BRSK2: variants seen among roughly 807,000 people sequenced by gnomAD.
The protein encoded by BRSK2 is serine/threonine-protein kinase BRSK2.
BRSK2 carries 19 observed loss-of-function variants against 83.3 expected under a neutral mutation model. The observed-to-expected ratio is 0.23, with a 90% confidence interval of 0.16 to 0.33. The LOEUF (loss-of-function observed/expected upper bound fraction) is 0.33. Ranked by LOEUF, BRSK2 falls within the 10% of genes least tolerant of loss-of-function variation. BRSK2 has a pLI of 1.00. For synonymous variants in BRSK2, 519 were observed against 435.4 expected, an observed-to-expected ratio of 1.19 and a Z score of -2.39; for missense variants, 798 against 1,042.3, an observed-to-expected ratio of 0.77 and a Z score of 3.23.
chr11:1,392,776 T>G (rs11607938), intron 1 of BRSK2, among the ~76,000 whole-genome samples: 1 of 152,286 alleles, frequency 6.6e-6, no homozygotes, highest in African/African-American at 2.4e-5. Flanking sequence ...CGCTGCATGG[T>G]CTCACCTGTA....
intron 19 of BRSK2, among the ~76,000 whole-genome samples, chr11:1,460,242 C>T (rs1224372659): frequency 1.3e-5 from 2 of 152,134 alleles, no homozygotes; most frequent in East Asian, 1.9e-4. Flanking sequence ...GGCCCCACGG[C>T]GCACAGCTTC....
intron 1 of BRSK2, among the ~76,000 whole-genome samples, chr11:1,426,252 G>A (rs1175531633): frequency 4.6e-5 from 7 of 150,676 alleles, no homozygotes; most frequent in African/African-American, 1.7e-4. Context: ...GGGGATGTGT[G>A]TGGGGCGTGC....
Position 1,462,432 on chromosome 11 carries a change from A to T in BRSK2, c.*1709A>T, listed in dbSNP as rs1037632178. The T allele has an allele frequency of 6.6e-6, 1 of 152,134 alleles. No homozygotes were observed. The highest frequency in any genetic ancestry group is 2.4e-5 in the African/African-American group (1 of 41,312). The allele number at this position is 152,134 out of a possible 1,614,324, so 9.4% of individuals were successfully genotyped here. On this transcript the variant is annotated 3_prime_UTR_variant, in exon 20 of 20. Transcript: ENST00000528841. ...CTTCTGTTAACATTAGACCTCTGCCACAGGCTGGGATTTCTATACATAAGA... is the reference window on the plus strand; with the variant it reads ...CTTCTGTTAACATTAGACCTCTGCCTCAGGCTGGGATTTCTATACATAAGA...
intron 4 of BRSK2, among the ~76,000 whole-genome samples, chr11:1,441,196 CCCT>C (rs1405582114): frequency 9.1e-4 from 80 of 88,000 alleles, no homozygotes; most frequent in Non-Finnish European, 1.3e-3. Context: ...CCATAGCGGC[CCCT>C]CAAGTGCACC....
intron 1 of BRSK2, chr11:1,411,354 C>A: frequency 6.9e-7 from 1 of 1,447,394 alleles, no homozygotes; most frequent in African/African-American, 1.5e-5. Context: ...AGTTCTGCCC[C>A]ATCTGGCCCT....
At chr11:1,450,141 T>G (rs1433998085) in intron 13 of BRSK2, among the ~76,000 whole-genome samples, 1 of 151,594 alleles carries the variant, frequency 6.6e-6, no homozygotes, top group Non-Finnish European at 1.5e-5. Context: ...GGTCCTCCTG[T>G]GCCGTGTGCA....
rs147563873 is a variant in BRSK2 at position 1,437,351 on chromosome 11, C to T, written c.187-955C>T. On this transcript the variant is annotated intron_variant, in intron 2 of 19. Transcript: ENST00000528841. ...GGCCCTAGCTCCAAAGCCTGGTCCA[C>T]GCTGGCTCCTGAGGGCTGGGACCCC... is the stretch of plus-strand genomic sequence containing the variant. Among the ~76,000 whole-genome samples the T allele has an allele frequency of 4.8e-3, 731 of 152,282 alleles. 13 individuals carry two copies. Among genetic ancestry groups the T allele is most frequent in the African/African-American group, 0.017 (694 of 41,560 alleles).
At chr11:1,452,973 T>C (rs1845987691) in intron 15 of BRSK2, among the ~76,000 whole-genome samples, 1 of 152,176 alleles carries the variant, frequency 6.6e-6, no homozygotes, top group African/African-American at 2.4e-5. Flanking sequence ...AAGGGATGCA[T>C]GCGGTTGTCT....
At chr11:1,420,011 C>T (rs1021970573) in intron 1 of BRSK2, among the ~76,000 whole-genome samples, 4 of 152,256 alleles carry the variant, frequency 2.6e-5, no homozygotes, top group South Asian at 2.1e-4. Flanking sequence ...CACCCGGGCA[C>T]GTGGTCGTTC....
intron 12 of BRSK2, among the ~76,000 whole-genome samples, chr11:1,449,376 G>A (rs529360365): frequency 3.9e-5 from 6 of 152,304 alleles, no homozygotes; most frequent in Admixed American, 6.5e-5. Flanking sequence ...GCTCAGCCAG[G>A]GGGGGCTTGG....
chr11:1,417,573 A>T (rs1205796325), intron 1 of BRSK2, among the ~76,000 whole-genome samples: 8 of 146,784 alleles, frequency 5.5e-5, no homozygotes, highest in Non-Finnish European at 9.0e-5. Context: ...AGAGTGGGTC[A>T]CACTGTGTCC....
rs1189547713 is a variant in BRSK2 at position 1,460,667 on chromosome 11, A to T, written c.2155A>T (p.Thr719Ser). The T allele has an allele frequency of 1.3e-6, 2 of 1,520,150 alleles. No homozygotes were observed. Among genetic ancestry groups the T allele is most frequent in the Non-Finnish European group, 1.8e-6 (2 of 1,138,460 alleles). The allele number at this position is 1,520,150 out of a possible 1,614,324, so 94.2% of individuals were successfully genotyped here. A position where few individuals can be genotyped will look rare whatever the true frequency, so the allele number is the denominator to read the frequency against. Residue 719 changes from threonine (T) to serine (S), a missense_variant, in exon 20 of 20, where the codon ACG becomes TCG. Thr to Ser is a moderately conservative substitution (Grantham distance 58). Transcript: ENST00000528841. Reference protein sequence around the residue: ...PGPGGDAEYPTGKDTAKMGPP... With the variant: ...PGPGGDAEYPSGKDTAKMGPP... ...CCCCGGAGGGGACGCCGAGTACCCA[A>T]CGGGCAAGGACACGGCCAAGATGGG...
chr11:1,444,605 C>T (rs1176347651), intron 8 of BRSK2, among the ~76,000 whole-genome samples: 1 of 152,100 alleles, frequency 6.6e-6, no homozygotes, highest in Non-Finnish European at 1.5e-5. Flanking sequence ...GGGGCCCAGC[C>T]CAGGCAGCAC....
chr11:1,454,779 C>T lies in BRSK2; in HGVS notation c.1668+171C>T, dbSNP rs998518766. 1.3e-5 allele frequency among the ~76,000 whole-genome samples: 2 copies of T among 152,168 alleles called. No individual in the cohort carries two copies. The highest frequency in any genetic ancestry group is 4.8e-5 in the African/African-American group (2 of 41,438). On this transcript the variant is annotated intron_variant, in intron 16 of 19. Coordinates refer to ENST00000528841, the MANE Select transcript of BRSK2 (RefSeq NM_001256627.2). This position sits in a 1 kb window ranked among gnomAD's most constrained non-coding sequence, Gnocchi z 5.2. ...TTCACTGGACAGGCGCTCTCTCCTGCCCACCCTCGTGAGGGAGGGGTCACT... is the reference window on the plus strand; with the variant it reads ...TTCACTGGACAGGCGCTCTCTCCTGTCCACCCTCGTGAGGGAGGGGTCACT...
chr11:1,446,902 G>C (rs1312124889), intron 12 of BRSK2, among the ~76,000 whole-genome samples: 1 of 152,172 alleles, frequency 6.6e-6, no homozygotes, highest in Non-Finnish European at 1.5e-5. Flanking sequence ...GGAGATGTGG[G>C]GGGTGGGACA....
chr11:1,462,418 A>G lies in BRSK2; in HGVS notation c.*1695A>G, dbSNP rs1427980300. 6.6e-6 allele frequency: 1 copy of G among 152,284 alleles called. No homozygotes were observed. Among genetic ancestry groups the G allele is most frequent in the African/African-American group, 2.4e-5 (1 of 41,450 alleles). The allele number at this position is 152,284 out of a possible 1,614,324, so 9.4% of individuals were successfully genotyped here. ...TATAGATTTTAACGCTTCTGTTAACATTAGACCTCTGCCACAGGCTGGGAT... is the reference window on the plus strand; with the variant it reads ...TATAGATTTTAACGCTTCTGTTAACGTTAGACCTCTGCCACAGGCTGGGAT... On this transcript the variant is annotated 3_prime_UTR_variant, in exon 20 of 20. Transcript: ENST00000528841.
intron 1 of BRSK2, among the ~76,000 whole-genome samples, chr11:1,419,154 G>GA (rs1394712691): frequency 1.3e-5 from 2 of 150,324 alleles, no homozygotes; most frequent in African/African-American, 2.5e-5. Context: ...GTGGCGGGGG[G>GA]GGCCTTTGCT....
chr11:1,440,777 G>T lies in BRSK2; in HGVS notation c.273-11G>T. On this transcript the variant is annotated splice_polypyrimidine_tract_variant and intron_variant, in intron 3 of 19. Coordinates refer to ENST00000528841, the MANE Select transcript of BRSK2 (RefSeq NM_001256627.2). ...CACAGCTGGGCGCACTGGTGGCCCC[G>T]TCTCCTGCAGGTACCTGGTGCTAGA... 1 of 1,558,464 alleles carries T rather than the reference G, an allele frequency of 6.4e-7. No individual in the cohort carries two copies. The highest frequency in any genetic ancestry group is 8.7e-7 in the Non-Finnish European group (1 of 1,151,056).
chr11:1,409,683 T>C (rs1332008393), intron 1 of BRSK2: 1 of 151,978 alleles, frequency 6.6e-6, no homozygotes, highest in Non-Finnish European at 1.5e-5. Context: ...GTGTCAGGTA[T>C]GATGGCCCTC....
Sources: allele counts gnomAD v4.1 joint callset (sites outside exome capture counted in the v4.1 genomes callset), GRCh38; gene constraint gnomAD v4.1.1; non-coding constraint Gnocchi (gnomAD v3.1); transcripts MANE v1.5; gene names NCBI Gene and HGNC (gene_info 2026-07-23, HGNC 2026-07-21).